The following ADGRV1 variants were observed in gnomAD, a reference collection of about 807,000 sequenced individuals.
ADGRV1 encodes adhesion G protein-coupled receptor V1.
Under a neutral mutation model 596.2 loss-of-function variants are expected in ADGRV1, and 359 were observed. That is an observed-to-expected ratio of 0.60 (90% CI 0.55 to 0.66). ADGRV1 has a LOEUF of 0.66. ADGRV1 is among the 30% of genes least tolerant of loss of function. The pLI is 0.00. For synonymous variants in ADGRV1, 2,681 were observed against 2,679.2 expected (o/e 1.00, Z -0.02); for missense variants, 7,274 against 7,575.6 (o/e 0.96, Z 1.48).
At chr5:90,581,337 T>C (rs1267092246) in intron 1 of ADGRV1, among the ~76,000 whole-genome samples, 7 of 152,224 alleles carry the variant, frequency 4.6e-5, no homozygotes, top group African/African-American at 1.7e-4. Flanking sequence ...GAAGAGGTGC[T>C]CTAGTTTTTA....
At chr5:90,639,034 A>C (rs776439459) in intron 11 of ADGRV1, among the ~76,000 whole-genome samples, 11 of 151,618 alleles carry the variant, frequency 7.3e-5, no homozygotes, top group Non-Finnish European at 1.3e-4. Flanking sequence ...CAAAATACCA[A>C]GCAAACAAAA....
At chr5:91,089,414 G>A (rs1363558839) in intron 86 of ADGRV1, among the ~76,000 whole-genome samples, 2 of 149,940 alleles carry the variant, frequency 1.3e-5, no homozygotes, top group Non-Finnish European at 3.0e-5. Context: ...ACAGTGATAT[G>A]GCAAGGGAAG....
chr5:90,674,461 C>T lies in ADGRV1; in HGVS notation c.5110+227C>T, dbSNP rs912024944. ...AATAATATGTTTTGAAAAGTTTTTG[C>T]AGGATTATTTAAAATGGAACAAAGT... On this transcript the variant is annotated intron_variant, in intron 23 of 89. Coordinates refer to ENST00000405460, the MANE Select transcript of ADGRV1 (RefSeq NM_032119.4). 1.1e-5 allele frequency: 4 copies of T among 349,132 alleles called. No individual in the cohort carries two copies. In the East Asian group the frequency reaches 1.8e-4, roughly 16 times the overall value. 21.6% of individuals were successfully genotyped at this position (349,132 alleles called of 1,614,324 possible). A position where few individuals can be genotyped will look rare whatever the true frequency, so the allele number is the denominator to read the frequency against.
Position 90,721,531 on chromosome 5 carries a change from AAAAATAAAAT to A in ADGRV1, c.9748+524_9748+533del, listed in dbSNP as rs369937781. 2.1e-3 allele frequency among the ~76,000 whole-genome samples: 176 copies of A among 82,630 alleles called. 9 individuals carry two copies. Among genetic ancestry groups the A allele is most frequent in the Middle Eastern group, 5.6e-3 (1 of 180 alleles). 54.2% of individuals were successfully genotyped at this position (82,630 alleles called of 152,430 possible). On this transcript the variant is annotated intron_variant, in intron 45 of 89. Coordinates refer to ENST00000405460, the MANE Select transcript of ADGRV1 (RefSeq NM_032119.4). ...AAATAAAATAAAATAAAATAAAAAT[AAAAATAAAAT>A]AAAATAAAATAAAATAAAATAAAAT... is the stretch of plus-strand genomic sequence containing the variant.
intron 71 of ADGRV1, among the ~76,000 whole-genome samples, chr5:90,803,550 A>G (rs1255874790): frequency 4.6e-5 from 7 of 152,148 alleles, no homozygotes; most frequent in Admixed American, 1.3e-4. Flanking sequence ...GCCTGGCTCA[A>G]GATGCTGAGG....
At chr5:91,049,545 A>G (rs1157995197) in intron 85 of ADGRV1, among the ~76,000 whole-genome samples, 1 of 152,230 alleles carries the variant, frequency 6.6e-6, no homozygotes, top group Non-Finnish European at 1.5e-5. Context: ...TTTACACTAA[A>G]TGGCCATACC....
intron 57 of ADGRV1, among the ~76,000 whole-genome samples, chr5:90,758,815 C>T (rs72782776): frequency 6.4e-3 from 976 of 152,212 alleles, no homozygotes; most frequent in Middle Eastern, 0.024. Context: ...TTAACATAGA[C>T]TCAGAAAATT....
intron 85 of ADGRV1, among the ~76,000 whole-genome samples, chr5:91,045,338 C>T (rs1011449503): frequency 1.3e-5 from 2 of 152,084 alleles, no homozygotes; most frequent in Non-Finnish European, 2.9e-5. Flanking sequence ...ATATAATCCA[C>T]CATGATCAAG....
rs1464197015 is a variant in ADGRV1, at chr5:90,788,262, G to A, written c.13845G>A (p.Val4615=). The change falls in exon 68 of 90, where the codon GTG becomes GTA. Residue 4615 remains valine (V), a synonymous_variant. Coordinates refer to ENST00000405460, the MANE Select transcript of ADGRV1 (RefSeq NM_032119.4). ...EETFIIKLHL[V]KGEAKLDSRA... ...CATTCATTATTAAACTTCATCTTGT[G>A]AAAGGAGAAGCTAAATTAGACTCCA... 6.2e-7 allele frequency: 1 copy of A among 1,612,492 alleles called. No individual in the cohort carries two copies. The highest frequency in any genetic ancestry group is 8.5e-7 in the Non-Finnish European group (1 of 1,178,570).
At chr5:91,027,455 G>A (rs1218013383) in intron 85 of ADGRV1, among the ~76,000 whole-genome samples, 1 of 152,092 alleles carries the variant, frequency 6.6e-6, no homozygotes, top group Non-Finnish European at 1.5e-5. Context: ...GGCAAGGCCA[G>A]CCCAGAACAT....
At chr5:91,114,062 C>CA (rs1358909399) in intron 87 of ADGRV1, among the ~76,000 whole-genome samples, 5 of 151,330 alleles carry the variant, frequency 3.3e-5, no homozygotes. Context: ...ACTAAAAATA[C>CA]AAAAAAATTA....
chr5:90,819,868 G>A (rs1284205727), intron 75 of ADGRV1, among the ~76,000 whole-genome samples: 1 of 152,102 alleles, frequency 6.6e-6, no homozygotes, highest in African/African-American at 2.4e-5. Flanking sequence ...GGTGTGGTGT[G>A]GTGCTGAAAA....
At chr5:90,785,572 C>T (rs1392484854) in intron 67 of ADGRV1, among the ~76,000 whole-genome samples, 1 of 151,972 alleles carries the variant, frequency 6.6e-6, no homozygotes, top group Non-Finnish European at 1.5e-5. Context: ...AAAAACAACC[C>T]CATCAAAAAG....
At chr5:91,076,391 T>A (rs1788857703) in intron 86 of ADGRV1, among the ~76,000 whole-genome samples, 1 of 152,156 alleles carries the variant, frequency 6.6e-6, no homozygotes, top group Non-Finnish European at 1.5e-5. Context: ...ATTTCCTTAA[T>A]AAATTATTAA....
chr5:90,758,945 A>G (rs1346105070), intron 57 of ADGRV1, among the ~76,000 whole-genome samples: 2 of 152,190 alleles, frequency 1.3e-5, no homozygotes, highest in Non-Finnish European at 2.9e-5. Context: ...TTAATTGTAG[A>G]AGACTGGTAA....
chr5:90,636,537 G>A (rs6878917), intron 10 of ADGRV1, among the ~76,000 whole-genome samples: 113,151 of 152,132 alleles, frequency 0.74, 42,672 homozygotes, highest in African/African-American at 0.86. Context: ...TAAATTTACC[G>A]TTTCATATTT....
intron 85 of ADGRV1, among the ~76,000 whole-genome samples, chr5:90,992,509 A>T (rs1781055291): frequency 6.6e-6 from 1 of 152,242 alleles, no homozygotes; most frequent in African/African-American, 2.4e-5. Flanking sequence ...AAAGAACTTT[A>T]TCAAGCTTTT....
At chr5:91,107,733 T>A (rs946513864) in intron 87 of ADGRV1, among the ~76,000 whole-genome samples, 3 of 152,162 alleles carry the variant, frequency 2.0e-5, no homozygotes, top group Admixed American at 1.3e-4. Context: ...TGGGATCCAA[T>A]GGAGATTAGA....
chr5:90,777,882 T>C (rs1255128453), intron 61 of ADGRV1, 23 bp from the exon 62 acceptor site: 1 of 1,582,124 alleles, frequency 6.3e-7, no homozygotes, highest in South Asian at 1.1e-5. Flanking sequence ...ATGTATTGGA[T>C]ATACATTTGT....
Sources: allele counts gnomAD v4.1 joint callset (sites outside exome capture counted in the v4.1 genomes callset), GRCh38; gene constraint gnomAD v4.1.1; transcripts MANE v1.5; gene names NCBI Gene and HGNC (gene_info 2026-07-23, HGNC 2026-07-21).